SOCS6: variants seen among roughly 807,000 people sequenced by gnomAD.
The protein encoded by SOCS6 is STAT induced STAT inhibitor-4.
Under a neutral mutation model 27.7 loss-of-function variants are expected in SOCS6, and 5 were observed. The observed-to-expected ratio is 0.18, with a 90% CI of 0.09 to 0.38. SOCS6 has a LOEUF of 0.38. Among genes scored for constraint, SOCS6 ranks in the 10% least tolerant of loss-of-function variants. The pLI, the probability that SOCS6 is intolerant of heterozygous loss-of-function variation, is 1.00. For synonymous variants in SOCS6, 271 were observed against 260.0 expected (o/e 1.04, Z -0.41); for missense variants, 595 against 688.1 (o/e 0.86, Z 1.51).
chr18:70,290,569 A>G (rs964818809), intron 1 of SOCS6, among the ~76,000 whole-genome samples: 1 of 152,132 alleles, frequency 6.6e-6, no homozygotes, highest in Non-Finnish European at 1.5e-5. Flanking sequence ...ATTCAGCTCT[A>G]AATTAAATAT....
intron 1 of SOCS6, among the ~76,000 whole-genome samples, chr18:70,304,026 C>T (rs1049246454): frequency 1.3e-5 from 2 of 152,076 alleles, no homozygotes; most frequent in African/African-American, 2.4e-5. Context: ...TAGATTTAAT[C>T]AAGGACTTAA....
chr18:70,318,920 G>A (rs187911082), intron 1 of SOCS6, among the ~76,000 whole-genome samples: 232 of 151,586 alleles, frequency 1.5e-3, no homozygotes, highest in African/African-American at 5.3e-3. Flanking sequence ...TGGGCGACGC[G>A]AGCAAGATTC....
chr18:70,329,655 T>C lies in SOCS6; in HGVS notation c.*3379T>C, dbSNP rs912321878. ...TCACACTACCAGCAATAGACAGTTT[T>C]CTTGAAAACTCTAATAAGGAACAAT... On this transcript the variant is annotated 3_prime_UTR_variant, in exon 2 of 2. Coordinates refer to ENST00000397942, the MANE Select transcript of SOCS6 (RefSeq NM_004232.4). 2 of 167,122 alleles carry C rather than the reference T, an allele frequency of 1.2e-5. No homozygotes were observed. Among genetic ancestry groups the C allele is most frequent in the African/African-American group, 2.4e-5 (1 of 41,470 alleles). The allele number at this position is 167,122 out of a possible 1,614,324, so 10.4% of individuals were successfully genotyped here. A position where few individuals can be genotyped will look rare whatever the true frequency, so the allele number is the denominator to read the frequency against.
Position 70,325,280 on chromosome 18 carries a change from C to T in SOCS6, c.612C>T (p.His204=), listed in dbSNP as rs1600170873. The T allele has an allele frequency of 6.2e-7, 1 of 1,614,220 alleles. No individual in the cohort carries two copies. The highest frequency in any genetic ancestry group is 2.2e-5 in the East Asian group (1 of 44,882). The change falls in exon 2 of 2, where the codon CAC becomes CAT. Residue 204 remains histidine (H), a synonymous_variant. Transcript: ENST00000397942. This position sits in a 1 kb window ranked among gnomAD's most constrained non-coding sequence, Gnocchi z 6.3. ...SASHNGDLHL[H]LDEHVPVVIG... is the part of the protein sequence containing the mutation. ...CTCATAATGGAGACCTGCATCTTCACCTGGATGAACATGTGCCTGTCGTTA... is the reference window on the plus strand; with the variant it reads ...CTCATAATGGAGACCTGCATCTTCATCTGGATGAACATGTGCCTGTCGTTA...
chr18:70,290,851 C>T (rs1178179739), intron 1 of SOCS6, among the ~76,000 whole-genome samples: 1 of 152,188 alleles, frequency 6.6e-6, no homozygotes. Context: ...AATTGGTAGT[C>T]TTGCCCCTTT....
chr18:70,316,550 C>T (rs959614897), intron 1 of SOCS6, among the ~76,000 whole-genome samples: 1 of 151,856 alleles, frequency 6.6e-6, no homozygotes, highest in African/African-American at 2.4e-5. Context: ...AGATTTTTTT[C>T]TTCATTATAT....
rs79188033 is a variant in SOCS6 at position 70,311,918 on chromosome 18, G to A, written c.-126-12625G>A. Among the ~76,000 whole-genome samples the A allele has an allele frequency of 9.5e-3, 1,447 of 152,184 alleles. 16 individuals carry two copies. Among genetic ancestry groups the A allele is most frequent in the African/African-American group, 0.033 (1,384 of 41,506 alleles). On this transcript the variant is annotated intron_variant, in intron 1 of 1. Coordinates refer to ENST00000397942, the MANE Select transcript of SOCS6 (RefSeq NM_004232.4). ...TTATGCAGTAAATGTTTCGTGTAGG[G>A]AAGTGAGCTCTAAAATCAGTTGTGT...
chr18:70,289,757 C>A (rs572102425), intron 1 of SOCS6, among the ~76,000 whole-genome samples: 1 of 152,044 alleles, frequency 6.6e-6, no homozygotes, highest in South Asian at 2.1e-4. Flanking sequence ...TGCCGCCGGC[C>A]GGCTGCGCAC....
chr18:70,291,469 T>A (rs1031208649), intron 1 of SOCS6, among the ~76,000 whole-genome samples: 1 of 152,210 alleles, frequency 6.6e-6, no homozygotes, highest in African/African-American at 2.4e-5. Flanking sequence ...GTTTTCTCCA[T>A]TATGGCCAGT....
chr18:70,309,613 T>A (rs117428835), intron 1 of SOCS6, among the ~76,000 whole-genome samples: 3,881 of 152,298 alleles, frequency 0.025, 88 homozygotes, highest in South Asian at 0.078. Context: ...AAAATAATGC[T>A]ACCTTAATAC....
chr18:70,311,554 A>G (rs1161971592), intron 1 of SOCS6, among the ~76,000 whole-genome samples: 2 of 152,170 alleles, frequency 1.3e-5, no homozygotes, highest in Non-Finnish European at 2.9e-5. Context: ...TTTTGTAGTA[A>G]TGTAAAATCG....
At chr18:70,303,189 CTG>C (rs2062356068) in intron 1 of SOCS6, among the ~76,000 whole-genome samples, 1 of 151,984 alleles carries the variant, frequency 6.6e-6, no homozygotes, top group Non-Finnish European at 1.5e-5. Flanking sequence ...ATTTTGTTTC[CTG>C]TGTTTTTGCA....
chr18:70,296,855 C>T (rs2062325393), intron 1 of SOCS6, among the ~76,000 whole-genome samples: 1 of 150,444 alleles, frequency 6.6e-6, no homozygotes, highest in Non-Finnish European at 1.5e-5. Context: ...TCTAGAAAAA[C>T]TATTAAAATG....
Position 70,327,536 on chromosome 18 carries a change from G to T in SOCS6, c.*1260G>T, listed in dbSNP as rs1251629800. The T allele has an allele frequency of 3.6e-5, 6 of 166,592 alleles. No individual in the cohort carries two copies. Among genetic ancestry groups the T allele is most frequent in the Non-Finnish European group, 7.3e-5 (5 of 68,064 alleles). The allele number at this position is 166,592 out of a possible 1,614,324, so 10.3% of individuals were successfully genotyped here. On this transcript the variant is annotated 3_prime_UTR_variant, in exon 2 of 2. Coordinates refer to ENST00000397942, the MANE Select transcript of SOCS6 (RefSeq NM_004232.4). ...CATATATACTGCCATTTAAAAATAGGTTTTTAAAATTTAGCTAAGTCTTAA... is the reference window on the plus strand; with the variant it reads ...CATATATACTGCCATTTAAAAATAGTTTTTTAAAATTTAGCTAAGTCTTAA...
At chr18:70,289,315 C>T (rs2062287379) in intron 1 of SOCS6, among the ~76,000 whole-genome samples, 1 of 148,240 alleles carries the variant, frequency 6.7e-6, no homozygotes, top group South Asian at 2.1e-4. Context: ...GGGCCAGGGC[C>T]GGGGAACGGG....
In SOCS6 at chr18:70,295,582, T is replaced by C. The variant is rs538768793; in HGVS notation, c.-127+6492T>C. 5.9e-5 allele frequency among the ~76,000 whole-genome samples: 9 copies of C among 152,354 alleles called. No homozygotes were observed. The South Asian group carries it at 1.9e-3, about 32-fold the overall frequency. The stretch of plus-strand genomic sequence containing the variant: ...AATAGTCATTTTTGTTTGTTGACAT[T>C]GCTTTTAAAGTTAAAAAAGAAAAGT... On this transcript the variant is annotated intron_variant, in intron 1 of 1. Transcript: ENST00000397942.
chr18:70,320,051 G>T (rs776552664), intron 1 of SOCS6, among the ~76,000 whole-genome samples: 6 of 152,006 alleles, frequency 3.9e-5, no homozygotes, highest in Non-Finnish European at 7.4e-5. Flanking sequence ...GAGTGCAGTG[G>T]TGTGATCTCA....
At chr18:70,317,883 G>C (rs1377329385) in intron 1 of SOCS6, among the ~76,000 whole-genome samples, 2 of 152,050 alleles carry the variant, frequency 1.3e-5, no homozygotes, top group Non-Finnish European at 2.9e-5. Flanking sequence ...CCTACACTCG[G>C]TCACCCAGGT....
rs758482389 is a variant in SOCS6, at chr18:70,325,759, G to T, written c.1091G>T (p.Ser364Ile). 1 of 1,614,206 alleles carries T rather than the reference G, an allele frequency of 6.2e-7. No individual in the cohort carries two copies. The highest frequency in any genetic ancestry group is 8.5e-7 in the Non-Finnish European group (1 of 1,180,032). The change falls in exon 2 of 2, where the codon AGT becomes ATT. Residue 364 changes from serine to isoleucine, a missense_variant. This residue lies in a region of SOCS6 where 467 missense variants were observed against 481.1 expected (regional missense o/e 0.97). Coordinates refer to ENST00000397942, the MANE Select transcript of SOCS6 (RefSeq NM_004232.4). The surrounding 1 kb of genome is among the most constrained non-coding windows in gnomAD (Gnocchi z 6.3). ...VARVYDSVQSSGPMVVTSLTE... is the reference protein window; with the variant it reads ...VARVYDSVQSIGPMVVTSLTE... ...AGAGTTTATGACTCAGTGCAAAGTA[G>T]TGGTCCCATGGTTGTGACAAGCCTT...
Sources: gnomAD v4.1 joint callset for allele counts (sites outside exome capture counted in the v4.1 genomes callset) on GRCh38, gnomAD v4.1.1 for gene constraint, gnomAD v4.1.1 regional missense constraint, Gnocchi (gnomAD v3.1) non-coding constraint, MANE v1.5 for transcripts, NCBI Gene and HGNC (gene_info 2026-07-23, HGNC 2026-07-21) for gene names.